Variants in IPPK observed in about 807,000 individuals in gnomAD.
The protein encoded by IPPK is inositol-pentakisphosphate 2-kinase, also known as IPK1 homolog.
IPPK carries 22 observed loss-of-function variants against 64.6 expected under a neutral mutation model. That is an observed-to-expected ratio of 0.34 (90% CI 0.24 to 0.49). IPPK has a LOEUF of 0.49. Among genes scored for constraint, IPPK ranks in the 20% least tolerant of loss-of-function variants. The pLI, the probability that IPPK is intolerant of heterozygous loss-of-function variation, is 0.99. For missense variants in IPPK, 532 were observed against 630.7 expected (o/e 0.84, Z 1.68); for synonymous variants, 262 against 247.2 (o/e 1.06, Z -0.56).
intron 1 of IPPK, among the ~76,000 whole-genome samples, chr9:92,663,021 C>A (rs1218261447): frequency 6.6e-6 from 1 of 152,166 alleles, no homozygotes; most frequent in Non-Finnish European, 1.5e-5. Context: ...CAACGCAACA[C>A]TGGGAACACG....
At chr9:92,622,169 G>A (rs2131420047) in intron 11 of IPPK, among the ~76,000 whole-genome samples, 1 of 152,120 alleles carries the variant, frequency 6.6e-6, no homozygotes, top group South Asian at 2.1e-4. Context: ...GGAAAAGAAG[G>A]GAACAAACTT....
At chr9:92,633,867 C>T (rs1454501142) in intron 11 of IPPK, among the ~76,000 whole-genome samples, 1 of 152,188 alleles carries the variant, frequency 6.6e-6, no homozygotes, top group Admixed American at 6.5e-5. Context: ...AATGAAGATG[C>T]CATTTTTTTC....
At position 92,670,079 on chromosome 9, in the gene IPPK, G is replaced by C; in HGVS notation, c.-91C>G. 7.8e-6 allele frequency: 7 copies of C among 900,430 alleles called. No homozygotes were observed. The allele number at this position is 900,430 out of a possible 1,614,324, so 55.8% of individuals were successfully genotyped here. Reference sequence around the variant, plus strand: ...TCGCTGGGAACCAGCCGCTGCGGTCGGGGGAGGAGCGCCTGTCAGCTGCCG... The same window carrying C: ...TCGCTGGGAACCAGCCGCTGCGGTCCGGGGAGGAGCGCCTGTCAGCTGCCG... On this transcript the variant is annotated 5_prime_UTR_variant, in exon 1 of 13. Coordinates refer to ENST00000287996, the MANE Select transcript of IPPK (RefSeq NM_022755.6).
intron 11 of IPPK, among the ~76,000 whole-genome samples, chr9:92,621,389 A>C (rs915173322): frequency 8.5e-5 from 13 of 152,130 alleles, no homozygotes; most frequent in African/African-American, 2.9e-4. Flanking sequence ...TAAAACAAAA[A>C]ATTTCTAGAA....
chr9:92,655,866 CCCAGGGGCCTGT>C (rs368103089), intron 3 of IPPK, among the ~76,000 whole-genome samples: 58 of 152,312 alleles, frequency 3.8e-4, no homozygotes, highest in African/African-American at 1.4e-3. Flanking sequence ...AAGGGTGGGA[CCCAGGGGCCTGT>C]CCAGGTCTCA....
intron 11 of IPPK, among the ~76,000 whole-genome samples, chr9:92,627,534 A>G (rs1315794387): frequency 1.3e-5 from 2 of 152,244 alleles, no homozygotes; most frequent in African/African-American, 4.8e-5. Context: ...CAGAAATACA[A>G]AGTTGGTTTT....
intron 11 of IPPK, among the ~76,000 whole-genome samples, chr9:92,631,701 T>C (rs749290340): frequency 4.6e-5 from 7 of 152,226 alleles, no homozygotes; most frequent in Non-Finnish European, 1.0e-4. Context: ...AAAGCTACAA[T>C]ATCACAGCAA....
intron 4 of IPPK, among the ~76,000 whole-genome samples, chr9:92,652,332 C>T (rs1360379954): frequency 6.6e-6 from 1 of 151,694 alleles, no homozygotes. Flanking sequence ...GCCTGTAGTC[C>T]CAGCTACTCG....
At position 92,650,498 on chromosome 9, in the gene IPPK, C is replaced by T. The variant is rs116542590; in HGVS notation, c.293-924G>A. 1.7e-3 allele frequency among the ~76,000 whole-genome samples: 254 copies of T among 152,108 alleles called. 2 individuals carry two copies. Among genetic ancestry groups the T allele is most frequent in the African/African-American group, 5.8e-3 (239 of 41,446 alleles). ...CCAGTGAAAACTCTGGACAACAATG[C>T]CTGGTGAGCTTCCTGGTGGGCACAC... On this transcript the variant is annotated intron_variant, in intron 4 of 12. Coordinates refer to ENST00000287996, the MANE Select transcript of IPPK (RefSeq NM_022755.6).
Position 92,640,747 on chromosome 9 carries a change from A to G in IPPK, c.599T>C (p.Leu200Ser), listed in dbSNP as rs1159762480. The G allele has an allele frequency of 5.0e-6, 8 of 1,613,324 alleles. No homozygotes were observed. The highest frequency in any genetic ancestry group is 6.8e-6 in the Non-Finnish European group (8 of 1,179,244). Residue 200 changes from leucine (L) to serine (S), a missense_variant, in exon 8 of 13, where the codon TTG becomes TCG. Transcript: ENST00000287996. ...CAAGTTGTTCTGTGCCTCCTGCAGCAAACTCTTCAAGGCAAAGTGCATTCT... is the reference window on the plus strand; with the variant it reads ...CAAGTTGTTCTGTGCCTCCTGCAGCGAACTCTTCAAGGCAAAGTGCATTCT... ...KQRMHFALKS[L>S]LQEAQNNLKI...
At chr9:92,649,944 T>C (rs1183834472) in intron 4 of IPPK, among the ~76,000 whole-genome samples, 1 of 150,310 alleles carries the variant, frequency 6.7e-6, no homozygotes, top group Non-Finnish European at 1.5e-5. Flanking sequence ...GAGAATTGCT[T>C]GAACCCTAGA....
chr9:92,658,812 C>T lies in IPPK; in HGVS notation c.82-131G>A, dbSNP rs968399132. 1.8e-5 allele frequency: 15 copies of T among 811,738 alleles called. No homozygotes were observed. In the African/African-American group the frequency reaches 2.1e-4, roughly 11 times the overall value. The allele number at this position is 811,738 out of a possible 1,614,324, so 50.3% of individuals were successfully genotyped here. A position where few individuals can be genotyped will look rare whatever the true frequency, so the allele number is the denominator to read the frequency against. On this transcript the variant is annotated intron_variant, in intron 1 of 12. Coordinates refer to ENST00000287996, the MANE Select transcript of IPPK (RefSeq NM_022755.6). ...GCTCCACAGCAAGGAGGCTGGGAAG[C>T]CCCCAGGGCAGGGAGGCCAGGGCTG...
Position 92,638,283 on chromosome 9 carries a change from T to C in IPPK, c.637-3A>G. 6.2e-7 allele frequency: 1 copy of C among 1,609,512 alleles called. No homozygotes were observed. Among genetic ancestry groups the C allele is most frequent in the South Asian group, 1.1e-5 (1 of 90,896 alleles). ...CAGCCGTAAATCAGCTCACCATTCT[T>C]CAGACAGGGAAAAGAAAGAGGGAAA... On this transcript the variant is annotated splice_region_variant and splice_polypyrimidine_tract_variant and intron_variant, in intron 8 of 12. Coordinates refer to ENST00000287996, the MANE Select transcript of IPPK (RefSeq NM_022755.6).
chr9:92,650,772 T>C (rs989454802), intron 4 of IPPK, among the ~76,000 whole-genome samples: 4 of 152,094 alleles, frequency 2.6e-5, no homozygotes, highest in African/African-American at 7.2e-5. Flanking sequence ...GCCCAGGAAC[T>C]TGAAGAGGAG....
At chr9:92,625,355 A>G (rs1487892331) in intron 11 of IPPK, among the ~76,000 whole-genome samples, 1 of 152,222 alleles carries the variant, frequency 6.6e-6, no homozygotes, top group East Asian at 1.9e-4. Context: ...TCAAAAATAA[A>G]CCCTGCAATT....
chr9:92,628,575 C>T (rs1851775797), intron 11 of IPPK, among the ~76,000 whole-genome samples: 1 of 152,184 alleles, frequency 6.6e-6, no homozygotes, highest in African/African-American at 2.4e-5. Flanking sequence ...AAAGAATAGT[C>T]TCCTCAACAA....
intron 11 of IPPK, among the ~76,000 whole-genome samples, chr9:92,625,575 C>T (rs887489729): frequency 6.6e-6 from 1 of 152,156 alleles, no homozygotes; most frequent in Non-Finnish European, 1.5e-5. Context: ...CTCCTTTTAA[C>T]GTGTTGTTGG....
chr9:92,644,461 A>C (rs1192301539), intron 6 of IPPK, among the ~76,000 whole-genome samples: 1 of 152,036 alleles, frequency 6.6e-6, no homozygotes, highest in South Asian at 2.1e-4. Context: ...TCAGACAATC[A>C]CTTATTTGAC....
At chr9:92,618,189 C>T (rs1241364894) in intron 12 of IPPK, 2 of 455,800 alleles carry the variant, frequency 4.4e-6, no homozygotes, top group Non-Finnish European at 8.8e-6. Context: ...CTCTGAGATC[C>T]TCTCCTTTTG....
Sources: allele counts gnomAD v4.1 joint callset (sites outside exome capture counted in the v4.1 genomes callset), GRCh38; gene constraint gnomAD v4.1.1; transcripts MANE v1.5; gene names NCBI Gene and HGNC (gene_info 2026-07-23, HGNC 2026-07-21).